Variants in TRIM62 observed in about 807,000 individuals in gnomAD.
The protein encoded by TRIM62 is E3 ubiquitin-protein ligase TRIM62.
Under a neutral mutation model 44.2 loss-of-function variants are expected in TRIM62, and 39 were observed. That is an observed-to-expected ratio of 0.88 (90% confidence interval 0.68 to 1.15). The LOEUF is 1.15. Among genes scored for constraint, TRIM62 ranks in the 50% most tolerant of loss-of-function variants. The probability of loss-of-function intolerance (pLI) is 0.00; values close to 1 mark genes in which losing one functional copy is unlikely to be tolerated. For missense variants in TRIM62, 544 were observed against 665.5 expected (o/e 0.82, Z 2.01); for synonymous variants, 278 against 292.3 (o/e 0.95, Z 0.50).
rs1232011557 is a variant in TRIM62, at chr1:33,181,427, C to T, written c.6G>A (p.Ala2=). The T allele has an allele frequency of 4.4e-6, 7 of 1,593,420 alleles. No individual in the cohort carries two copies. In the Admixed American group the frequency reaches 6.9e-5, roughly 16 times the overall value. The change falls in exon 1 of 5, where the codon GCG becomes GCA. Residue 2 remains alanine (A), a synonymous_variant. Coordinates refer to ENST00000291416, the MANE Select transcript of TRIM62 (RefSeq NM_018207.3). The surrounding 1 kb of genome is among the most constrained non-coding windows in gnomAD (Gnocchi z 6.5). The stretch of plus-strand genomic sequence containing the variant: ...ACAGCAGCTCGTCCTTGAGGCTGCA[C>T]GCCATGGCGCCAGGGGCAGCAGAGA... M[A]CSLKDELLCS...
In TRIM62 at chr1:33,165,611, G is replaced by T. The variant is rs1056083353; in HGVS notation, c.409-45C>A. ...GGGATGGGGGCAGGGGCCATGCCTG[G>T]CCCAGGCATTCAGCCCTGACCACTG... On this transcript the variant is annotated intron_variant, in intron 1 of 4. Coordinates refer to ENST00000291416, the MANE Select transcript of TRIM62 (RefSeq NM_018207.3). The surrounding 1 kb of genome is among the most constrained non-coding windows in gnomAD (Gnocchi z 4.0). The T allele has an allele frequency of 6.6e-7, 1 of 1,526,342 alleles. No homozygotes were observed. Among genetic ancestry groups the T allele is most frequent in the Non-Finnish European group, 8.9e-7 (1 of 1,124,076 alleles). The allele number at this position is 1,526,342 out of a possible 1,614,324, so 94.5% of individuals were successfully genotyped here.
Position 33,161,601 on chromosome 1 carries a change from C to A in TRIM62, c.505-1657G>T, listed in dbSNP as rs1004689197. Among the ~76,000 whole-genome samples the A allele has an allele frequency of 6.6e-6, 1 of 151,988 alleles. No individual in the cohort carries two copies. Among genetic ancestry groups the A allele is most frequent in the Non-Finnish European group, 1.5e-5 (1 of 67,948 alleles). ...CGCCAGGCAGACAAAGGGGGGCGGA[C>A]GAGAGTCTGGGGATGCACGGCCAGG... On this transcript the variant is annotated intron_variant, in intron 2 of 4. Transcript: ENST00000291416. The surrounding 1 kb of genome is among the most constrained non-coding windows in gnomAD (Gnocchi z 4.3).
chr1:33,178,737 A>G lies in TRIM62; in HGVS notation c.408+2288T>C, dbSNP rs140802367. ...CCCACAGCAGGTTTGGAACCCAAGT[A>G]TGTCCAACCCCACAACAGTGCACTA... On this transcript the variant is annotated intron_variant, in intron 1 of 4. Transcript: ENST00000291416. 6.2e-3 allele frequency among the ~76,000 whole-genome samples: 948 copies of G among 152,328 alleles called. 2 individuals carry two copies. The highest frequency in any genetic ancestry group is 9.7e-3 in the Non-Finnish European group (663 of 68,036).
chr1:33,154,331 C>T (rs2124720338), intron 4 of TRIM62, among the ~76,000 whole-genome samples: 1 of 152,302 alleles, frequency 6.6e-6, no homozygotes, highest in East Asian at 1.9e-4. Context: ...GCCTTCTAGC[C>T]TCAGCTGCCA....
In TRIM62 at chr1:33,159,667, G is replaced by A; in HGVS notation, c.761+21C>T. 1 of 1,591,830 alleles carries A rather than the reference G, an allele frequency of 6.3e-7. No individual in the cohort carries two copies. The highest frequency in any genetic ancestry group is 1.1e-5 in the South Asian group (1 of 90,508). On this transcript the variant is annotated intron_variant, in intron 3 of 4. Coordinates refer to ENST00000291416, the MANE Select transcript of TRIM62 (RefSeq NM_018207.3). This position sits in a 1 kb window ranked among gnomAD's most constrained non-coding sequence, Gnocchi z 4.2. ...AGGAGGGGATGGTCAGCCGGGGAGG[G>A]CCCCGGCGGGTGGCACTTACCGCTC...
At chr1:33,179,022 T>C (rs562155288) in intron 1 of TRIM62, among the ~76,000 whole-genome samples, 7 of 152,362 alleles carry the variant, frequency 4.6e-5, no homozygotes, top group African/African-American at 1.7e-4. Context: ...CCTATAGCCC[T>C]GGCTCTCTCA....
rs34128393 is a variant in TRIM62, at chr1:33,154,507, G to GT, written c.877+3745dup. Reference sequence around the variant, plus strand: ...TCTTTTTTTTTTCTTAATTAAATTTGTTTTTTTTGAGGCTGGGCGCGGTGG... The same window carrying GT: ...TCTTTTTTTTTTCTTAATTAAATTTGTTTTTTTTTGAGGCTGGGCGCGGTGG... On this transcript the variant is annotated intron_variant, in intron 4 of 4. Transcript: ENST00000291416. Among the ~76,000 whole-genome samples, 9 of 149,412 alleles carry GT rather than the reference G, an allele frequency of 6.0e-5. No individual in the cohort carries two copies. The East Asian group carries it at 7.9e-4, about 13-fold the overall frequency.
intron 1 of TRIM62, among the ~76,000 whole-genome samples, chr1:33,179,277 C>A (rs1036094766): frequency 2.0e-5 from 3 of 152,202 alleles, no homozygotes; most frequent in Non-Finnish European, 1.5e-5. Flanking sequence ...TCTGATGGGG[C>A]CTTCATCCTC....
At chr1:33,179,006 C>A (rs1418842948) in intron 1 of TRIM62, among the ~76,000 whole-genome samples, 1 of 152,204 alleles carries the variant, frequency 6.6e-6, no homozygotes, top group Non-Finnish European at 1.5e-5. Flanking sequence ...CTGGGTCAGG[C>A]TGTGCCCTAT....
At chr1:33,160,063 T>C in intron 2 of TRIM62, 119 bp from the exon 3 acceptor site, 1 of 1,312,350 alleles carries the variant, frequency 7.6e-7, no homozygotes, top group Non-Finnish European at 1.0e-6. Context: ...AGGGCACGCG[T>C]GGTGGGGGAA....
intron 1 of TRIM62, among the ~76,000 whole-genome samples, chr1:33,168,746 C>T (rs1645350238): frequency 6.6e-6 from 1 of 152,186 alleles, no homozygotes; most frequent in Non-Finnish European, 1.5e-5. Flanking sequence ...TCCTCAGGTG[C>T]CTCTGACAGC....
At chr1:33,154,603 C>A (rs113202797) in intron 4 of TRIM62, among the ~76,000 whole-genome samples, 2 of 147,058 alleles carry the variant, frequency 1.4e-5, no homozygotes, top group East Asian at 2.0e-4. Flanking sequence ...TTCAAGACCA[C>A]CCTGGCCAAC....
In TRIM62 at chr1:33,159,782, G is replaced by A. The variant is rs1273629908; in HGVS notation, c.667C>T (p.Arg223Cys). 4.3e-6 allele frequency: 7 copies of A among 1,613,658 alleles called. No individual in the cohort carries two copies. The highest frequency in any genetic ancestry group is 3.3e-5 in the Admixed American group (2 of 60,012). Residue 223 changes from arginine to cysteine, a missense_variant, in exon 3 of 5, where the codon CGC becomes TGC. Transcript: ENST00000291416. The surrounding 1 kb of genome is among the most constrained non-coding windows in gnomAD (Gnocchi z 4.2). ...ATCTGGGCTCCCTCCTGGACCTTGC[G>A]CAGCTGCTGGCTGTAGCGCTGGACT... Reference protein sequence around the residue: ...QKVQRYSQQLRKVQEGAQILQ... With the variant: ...QKVQRYSQQLCKVQEGAQILQ...
At chr1:33,174,079 A>G (rs200059578) in intron 1 of TRIM62, among the ~76,000 whole-genome samples, 8 of 152,282 alleles carry the variant, frequency 5.3e-5, no homozygotes, top group East Asian at 3.9e-4. Context: ...TAGGTGTACA[A>G]TTCAGAGGTA....
At chr1:33,160,069 G>A in intron 2 of TRIM62, 125 bp from the exon 3 acceptor site, 1 of 1,244,142 alleles carries the variant, frequency 8.0e-7, no homozygotes, top group Non-Finnish European at 1.1e-6. Context: ...CGCGTGGTGG[G>A]GGAAATGTCA....
chr1:33,173,844 C>T (rs1215858526), intron 1 of TRIM62, among the ~76,000 whole-genome samples: 1 of 151,666 alleles, frequency 6.6e-6, no homozygotes, highest in Non-Finnish European at 1.5e-5. Context: ...ACACTACAGG[C>T]ATGCATCATG....
chr1:33,176,664 G>A, intron 1 of TRIM62: 2 of 420,106 alleles, frequency 4.8e-6, no homozygotes, highest in African/African-American at 2.0e-5. Flanking sequence ...GGACAGGCAG[G>A]GTGGCTGGGA....
intron 1 of TRIM62, among the ~76,000 whole-genome samples, chr1:33,169,871 A>C (rs1260819951): frequency 6.6e-6 from 1 of 152,208 alleles, no homozygotes; most frequent in African/African-American, 2.4e-5. Flanking sequence ...AGACACACTG[A>C]GCAGCTCGCA....
chr1:33,150,107 G>T (rs1281939536), intron 4 of TRIM62, among the ~76,000 whole-genome samples: 4 of 152,260 alleles, frequency 2.6e-5, no homozygotes, highest in Non-Finnish European at 5.9e-5. Context: ...CTGGCCAGAG[G>T]AGAAGGAGGA....
Sources: allele counts gnomAD v4.1 joint callset (sites outside exome capture counted in the v4.1 genomes callset), GRCh38; gene constraint gnomAD v4.1.1; non-coding constraint Gnocchi (gnomAD v3.1); transcripts MANE v1.5; gene names NCBI Gene and HGNC (gene_info 2026-07-23, HGNC 2026-07-21).